The following ATP13A3 variants were observed in gnomAD, a reference collection of about 807,000 sequenced individuals.
The protein encoded by ATP13A3 is ATPase 13A3.
Under a neutral mutation model 158.1 loss-of-function variants are expected in ATP13A3, and 59 were observed. The ratio of observed to expected loss-of-function variants is 0.37; its 90% CI spans 0.30 to 0.46. The LOEUF (loss-of-function observed/expected upper bound fraction) is 0.46. Among genes scored for constraint, ATP13A3 ranks in the 20% least tolerant of loss-of-function variants. ATP13A3 has a pLI of 1.00. For synonymous variants in ATP13A3, 491 were observed against 504.3 expected, an observed-to-expected ratio of 0.97 and a Z score of 0.35; for missense variants, 1,166 against 1,525.2, an observed-to-expected ratio of 0.76 and a Z score of 3.92.
intron 2 of ATP13A3, among the ~76,000 whole-genome samples, chr3:194,477,717 C>T (rs1258386614): frequency 6.6e-6 from 1 of 152,216 alleles, no homozygotes; most frequent in African/African-American, 2.4e-5. Flanking sequence ...AGTGGACACT[C>T]TATCGCACAG....
Position 194,405,742 on chromosome 3 carries a change from T to G in ATP13A3, c.*177A>C, listed in dbSNP as rs1302316879. The G allele has an allele frequency of 9.3e-6, 6 of 642,718 alleles. No homozygotes were observed. Among genetic ancestry groups the G allele is most frequent in the African/African-American group, 1.8e-5 (1 of 54,490 alleles). The allele number at this position is 642,718 out of a possible 1,614,324, so 39.8% of individuals were successfully genotyped here. On this transcript the variant is annotated 3_prime_UTR_variant, in exon 34 of 34. Coordinates refer to ENST00000645319, the MANE Select transcript of ATP13A3 (RefSeq NM_001367549.1). ...ATGGATTGATTGTTAATTTAACTGT[T>G]AGGACGATATATTTTTCTGTTTTTA...
intron 29 of ATP13A3, 90 bp downstream of exon 29, chr3:194,426,985 C>G: frequency 6.9e-7 from 1 of 1,444,776 alleles, no homozygotes; most frequent in Non-Finnish European, 9.4e-7. Context: ...GCACCTGGCA[C>G]AAACTTTTAT....
intron 10 of ATP13A3, chr3:194,451,782 C>G (rs1718825957): frequency 6.6e-6 from 1 of 152,474 alleles, no homozygotes; most frequent in Admixed American, 6.5e-5. Flanking sequence ...ACCATTCTTG[C>G]AAGCCTGCTT....
chr3:194,474,683 T>C (rs1445513883), intron 2 of ATP13A3, among the ~76,000 whole-genome samples: 1 of 152,230 alleles, frequency 6.6e-6, no homozygotes, highest in African/African-American at 2.4e-5. Flanking sequence ...ATGCTATTAA[T>C]AAAAATCTCA....
intron 2 of ATP13A3, among the ~76,000 whole-genome samples, chr3:194,470,491 A>T (rs1366805208): frequency 2.0e-5 from 3 of 152,194 alleles, no homozygotes; most frequent in Non-Finnish European, 4.4e-5. Context: ...GAAATCCTAC[A>T]GAGTTTTGTC....
chr3:194,486,258 C>G (rs183237027), intron 1 of ATP13A3, among the ~76,000 whole-genome samples: 16,260 of 150,460 alleles, frequency 0.11, 1,467 homozygotes, highest in African/African-American at 0.25. Flanking sequence ...TGCCAGCACC[C>G]CTACGCCTCT....
chr3:194,457,478 A>G (rs1303840568), intron 6 of ATP13A3, among the ~76,000 whole-genome samples: 2 of 152,210 alleles, frequency 1.3e-5, no homozygotes, highest in African/African-American at 2.4e-5. Context: ...GACTGTGCCA[A>G]AGCTGTAATA....
chr3:194,482,794 C>G (rs1168476843), intron 2 of ATP13A3, among the ~76,000 whole-genome samples: 3 of 151,832 alleles, frequency 2.0e-5, no homozygotes, highest in Non-Finnish European at 4.4e-5. Flanking sequence ...GGCAACAAAC[C>G]GAGATACTCA....
intron 23 of ATP13A3, 38 bp downstream of exon 23, chr3:194,431,066 C>A: frequency 6.2e-7 from 1 of 1,613,296 alleles, no homozygotes; most frequent in Non-Finnish European, 8.5e-7. Flanking sequence ...TGTTGCGATG[C>A]ATTCATGTGA....
rs761342264 is a variant in ATP13A3 at position 194,460,611 on chromosome 3, T to C, written c.225+47A>G. On this transcript the variant is annotated intron_variant, in intron 4 of 33. Transcript: ENST00000645319. ...TCGAATAAAGTATACACAAAGACAT[T>C]GTTTTACTCCTTAAATAATCAGCTA... 26 of 1,571,238 alleles carry C rather than the reference T, an allele frequency of 1.7e-5. No homozygotes were observed. In the South Asian group the frequency reaches 2.9e-4, roughly 17 times the overall value.
chr3:194,419,796 C>T, intron 31 of ATP13A3, 83 bp downstream of exon 31: 1 of 1,504,022 alleles, frequency 6.6e-7, no homozygotes, highest in African/African-American at 1.5e-5. Context: ...TCTTAGAATA[C>T]ACAAAAAGAA....
intron 4 of ATP13A3, 86 bp from the exon 5 acceptor site, chr3:194,460,057 CATT>C (rs1719536407): frequency 4.5e-6 from 5 of 1,112,334 alleles, no homozygotes; most frequent in Non-Finnish European, 6.3e-6. Flanking sequence ...CTTTACAAGA[CATT>C]ATTTCCTCAT....
chr3:194,419,843 CT>C (rs1418761624), intron 31 of ATP13A3, 35 bp downstream of exon 31: 2 of 1,551,666 alleles, frequency 1.3e-6, no homozygotes, highest in East Asian at 2.4e-5. Context: ...ACAGGTTAGT[CT>C]TTTTCCCCAA....
intron 14 of ATP13A3, among the ~76,000 whole-genome samples, chr3:194,445,050 T>C (rs1023589434): frequency 1.6e-4 from 25 of 151,758 alleles, no homozygotes; most frequent in Admixed American, 7.9e-4. Flanking sequence ...ATTTACGTGC[T>C]TATACTATCA....
intron 21 of ATP13A3, among the ~76,000 whole-genome samples, chr3:194,433,232 CTTTT>C (rs71637136): frequency 8.8e-6 from 1 of 113,658 alleles, no homozygotes; most frequent in Non-Finnish European, 1.8e-5. Flanking sequence ...TTTTACTATT[CTTTT>C]TTTTTTTTTT....
chr3:194,451,178 G>A (rs2108914765), intron 10 of ATP13A3: 1 of 152,158 alleles, frequency 6.6e-6, no homozygotes, highest in African/African-American at 2.4e-5. Context: ...TTTAAAAAAG[G>A]AAGTAATTTA....
intron 15 of ATP13A3, among the ~76,000 whole-genome samples, chr3:194,442,136 C>T (rs909886590): frequency 2.0e-5 from 3 of 152,160 alleles, no homozygotes; most frequent in Admixed American, 6.5e-5. Context: ...CAGTTAAAGC[C>T]TGTATGACAC....
chr3:194,487,670 G>A (rs981385973), upstream of ATP13A3: 6 of 152,260 alleles, frequency 3.9e-5, no homozygotes, highest in African/African-American at 1.4e-4. Flanking sequence ...CTCGGGGTAG[G>A]GCCGCAGCCG....
chr3:194,427,062 T>C lies in ATP13A3; in HGVS notation c.3125+13A>G. 3 of 1,603,438 alleles carry C rather than the reference T, an allele frequency of 1.9e-6. No homozygotes were observed. Among genetic ancestry groups the C allele is most frequent in the Non-Finnish European group, 2.5e-6 (3 of 1,176,890 alleles). ...TATTTTATATAGATTTTTACATAGA[T>C]TGACCAACTTACTCTGATTTTGGAT... is the stretch of plus-strand genomic sequence containing the variant. On this transcript the variant is annotated intron_variant, in intron 29 of 33. Coordinates refer to ENST00000645319, the MANE Select transcript of ATP13A3 (RefSeq NM_001367549.1).
Sources: allele counts gnomAD v4.1 joint callset (sites outside exome capture counted in the v4.1 genomes callset), GRCh38; gene constraint gnomAD v4.1.1; transcripts MANE v1.5; gene names NCBI Gene and HGNC (gene_info 2026-07-23, HGNC 2026-07-21).